Variants in PARD3 observed in about 807,000 individuals in gnomAD.
PARD3 encodes par-3 family cell polarity regulator.
PARD3 carries 75 observed loss-of-function variants against 155.4 expected under a neutral mutation model. The observed-to-expected ratio is 0.48, with a 90% CI of 0.40 to 0.58. The LOEUF is 0.58. PARD3 is among the 20% of genes least tolerant of loss of function. The pLI, the probability that PARD3 is intolerant of heterozygous loss-of-function variation, is 0.00. For missense variants in PARD3, 1,642 were observed against 1,721.7 expected, an observed-to-expected ratio of 0.95 and a Z score of 0.82; for synonymous variants, 576 against 610.5, an observed-to-expected ratio of 0.94 and a Z score of 0.83.
At chr10:34,306,238 G>A (rs1386210876) in intron 20 of PARD3, among the ~76,000 whole-genome samples, 7 of 149,666 alleles carry the variant, frequency 4.7e-5, no homozygotes, top group Admixed American at 6.6e-5. Context: ...CTGAGATCGC[G>A]CCAGTGCACT....
intron 5 of PARD3, among the ~76,000 whole-genome samples, chr10:34,411,926 G>A (rs950467428): frequency 9.2e-5 from 3 of 32,560 alleles, no homozygotes; most frequent in African/African-American, 8.3e-4. Context: ...AGTCGTGTGT[G>A]TGTGTGTGTG....
At chr10:34,605,331 T>TACA (rs1253648741) in intron 2 of PARD3, among the ~76,000 whole-genome samples, 5 of 149,194 alleles carry the variant, frequency 3.4e-5, no homozygotes, top group Non-Finnish European at 5.9e-5. Context: ...TAGCTGGGAC[T>TACA]ACAGGGCGCC....
chr10:34,405,275 A>G lies in PARD3; in HGVS notation c.715-3358T>C, dbSNP rs7912827. ...TAGATAACACATAATACAGAAAACA[A>G]ACCTCGATAAATCTTTTAGGGCAAT... On this transcript the variant is annotated intron_variant, in intron 5 of 24. Transcript: ENST00000374788. 1.6e-3 allele frequency among the ~76,000 whole-genome samples: 243 copies of G among 151,990 alleles called. 2 individuals carry two copies. The highest frequency in any genetic ancestry group is 5.6e-3 in the African/African-American group (233 of 41,490).
At chr10:34,509,778 G>A (rs754126591) in intron 3 of PARD3, among the ~76,000 whole-genome samples, 24 of 151,604 alleles carry the variant, frequency 1.6e-4, no homozygotes, top group Admixed American at 1.4e-3. Flanking sequence ...ACAAACACAC[G>A]CATCGAAAAA....
At chr10:34,112,895 T>C (rs1946461718) in intron 24 of PARD3, among the ~76,000 whole-genome samples, 1 of 152,216 alleles carries the variant, frequency 6.6e-6, no homozygotes, top group African/African-American at 2.4e-5. Context: ...CATGTCTGTC[T>C]CTTTTAACGG....
At chr10:34,205,673 G>C (rs1033817111) in intron 22 of PARD3, among the ~76,000 whole-genome samples, 1 of 152,170 alleles carries the variant, frequency 6.6e-6, no homozygotes, top group African/African-American at 2.4e-5. Context: ...GAGCTGGAGA[G>C]GAAGGGGATG....
At chr10:34,677,548 T>C (rs567937359) in intron 2 of PARD3, among the ~76,000 whole-genome samples, 14 of 151,736 alleles carry the variant, frequency 9.2e-5, no homozygotes, top group Admixed American at 4.6e-4. Flanking sequence ...AAAATAAGTG[T>C]AGAATTGATG....
At chr10:34,438,770 G>A (rs2076314061) in intron 5 of PARD3, among the ~76,000 whole-genome samples, 1 of 152,158 alleles carries the variant, frequency 6.6e-6, no homozygotes, top group South Asian at 2.1e-4. Flanking sequence ...CAGAGAAAAG[G>A]ATGGTGAGCA....
At chr10:34,590,242 C>T (rs1458031781) in intron 2 of PARD3, among the ~76,000 whole-genome samples, 2 of 152,168 alleles carry the variant, frequency 1.3e-5, no homozygotes, top group African/African-American at 4.8e-5. Flanking sequence ...CTCACAACGT[C>T]CCCCTGATGC....
At chr10:34,807,343 T>G (rs543889797) in intron 1 of PARD3, among the ~76,000 whole-genome samples, 1 of 152,382 alleles carries the variant, frequency 6.6e-6, no homozygotes, top group East Asian at 1.9e-4. Context: ...GGAGCGTTGT[T>G]CATAGTGGCT....
Position 34,303,067 on chromosome 10 carries a change from TTTAAA to T in PARD3, c.3065+14035_3065+14039del, listed in dbSNP as rs796285024. Among the ~76,000 whole-genome samples, 462 of 142,622 alleles carry T rather than the reference TTTAAA, an allele frequency of 3.2e-3. 5 individuals are homozygous for T. Among genetic ancestry groups the T allele is most frequent in the African/African-American group, 0.012 (432 of 36,964 alleles). The allele number at this position is 142,622 out of a possible 152,430, so 93.6% of individuals were successfully genotyped here. On this transcript the variant is annotated intron_variant, in intron 20 of 24. Transcript: ENST00000374788. ...CATCACACCTGCTCCAAAACCAAGTTTTAAAAAAAAAAAAAATCCACCTGCCCATC... is the reference window on the plus strand; with the variant it reads ...CATCACACCTGCTCCAAAACCAAGTTAAAAAAAAAAATCCACCTGCCCATC...
chr10:34,211,552 C>T (rs1321896755), intron 22 of PARD3, among the ~76,000 whole-genome samples: 1 of 152,170 alleles, frequency 6.6e-6, no homozygotes, highest in Non-Finnish European at 1.5e-5. Context: ...GAGGCCGAGG[C>T]AGACGGATCA....
intron 5 of PARD3, among the ~76,000 whole-genome samples, chr10:34,417,406 C>G (rs1427952008): frequency 6.6e-6 from 1 of 152,106 alleles, no homozygotes; most frequent in Non-Finnish European, 1.5e-5. Flanking sequence ...GGGAAAACTT[C>G]AAACCTCAAG....
chr10:34,382,943 A>AAAATTAGC, intron 8 of PARD3, 21 bp from the exon 9 acceptor site: 1 of 1,611,086 alleles, frequency 6.2e-7, no homozygotes, highest in Non-Finnish European at 8.5e-7. Flanking sequence ...GAAAGAATAG[A>AAAATTAGC]AAATTAGCAA....
Position 34,679,330 on chromosome 10 carries a change from T to C in PARD3, c.222+16988A>G, listed in dbSNP as rs903610612. On this transcript the variant is annotated intron_variant, in intron 2 of 24. Transcript: ENST00000374788. The stretch of plus-strand genomic sequence containing the variant: ...ACCAGTCAAACAGGCCGGAGGTAGT[T>C]TGTCAAGAGTAAAACAGGGTGTAGC... 4.6e-5 allele frequency among the ~76,000 whole-genome samples: 7 copies of C among 152,158 alleles called. No homozygotes were observed. In the East Asian group the frequency reaches 9.7e-4, roughly 21 times the overall value.
chr10:34,553,688 A>G (rs1466163514), intron 2 of PARD3, among the ~76,000 whole-genome samples: 3 of 152,236 alleles, frequency 2.0e-5, no homozygotes, highest in Admixed American at 2.0e-4. Flanking sequence ...AAAAGCTTAC[A>G]TGAATCGAAT....
intron 2 of PARD3, among the ~76,000 whole-genome samples, chr10:34,587,506 G>A (rs1480047098): frequency 6.6e-6 from 1 of 152,156 alleles, no homozygotes; most frequent in African/African-American, 2.4e-5. Flanking sequence ...TAAAAAGCAG[G>A]CACAGTGCTA....
intron 5 of PARD3, among the ~76,000 whole-genome samples, chr10:34,419,874 T>C (rs775151167): frequency 2.0e-5 from 3 of 152,222 alleles, no homozygotes; most frequent in Non-Finnish European, 4.4e-5. Context: ...GTAAAACTTG[T>C]TCTTTTTACT....
chr10:34,594,379 T>C (rs1419306562), intron 2 of PARD3, among the ~76,000 whole-genome samples: 1 of 152,316 alleles, frequency 6.6e-6, no homozygotes, highest in East Asian at 1.9e-4. Flanking sequence ...GCACTGCTGT[T>C]ATAAAGAAGT....
Sources: gnomAD v4.1 joint callset for allele counts (sites outside exome capture counted in the v4.1 genomes callset) on GRCh38, gnomAD v4.1.1 for gene constraint, MANE v1.5 for transcripts, NCBI Gene and HGNC (gene_info 2026-07-23, HGNC 2026-07-21) for gene names.